CD164: variants seen among roughly 807,000 people sequenced by gnomAD.
The protein encoded by CD164 is CD164 molecule.
CD164 carries 11 observed loss-of-function variants against 24.6 expected under a neutral mutation model. That is an observed-to-expected ratio of 0.45 (90% CI 0.28 to 0.74). The LOEUF (loss-of-function observed/expected upper bound fraction) is 0.74. Among genes scored for constraint, CD164 ranks in the 30% least tolerant of loss-of-function variants. The pLI is 0.13. For synonymous variants in CD164, 126 were observed against 100.3 expected, an observed-to-expected ratio of 1.26 and a Z score of -1.53; for missense variants, 295 against 243.7, an observed-to-expected ratio of 1.21 and a Z score of -1.40.
At chr6:109,370,110 TCAGAAGTTACAAA>T (rs1184382630) in intron 5 of CD164, among the ~76,000 whole-genome samples, 5 of 152,116 alleles carry the variant, frequency 3.3e-5, no homozygotes, top group African/African-American at 1.2e-4. Context: ...CTAACGGTAA[TCAGAAGTTACAAA>T]TTAGATTTTA....
rs771385128 is a variant in CD164, at chr6:109,382,418, C to A, written c.-40G>T. 3 of 1,470,000 alleles carry A rather than the reference C, an allele frequency of 2.0e-6. No homozygotes were observed. The highest frequency in any genetic ancestry group is 9.0e-7 in the Non-Finnish European group (1 of 1,106,746). The allele number at this position is 1,470,000 out of a possible 1,614,324, so 91.1% of individuals were successfully genotyped here. A position where few individuals can be genotyped will look rare whatever the true frequency, so the allele number is the denominator to read the frequency against. ...TGGCGTTCGGGAGAAAGCTAAGGCT[C>A]GCAACGCTCAGTCAACCCCTCAATC... On this transcript the variant is annotated 5_prime_UTR_variant, in exon 1 of 6. Transcript: ENST00000310786.
chr6:109,377,644 TAAA>T (rs35168490), intron 3 of CD164, among the ~76,000 whole-genome samples: 4 of 141,436 alleles, frequency 2.8e-5, no homozygotes, highest in Admixed American at 1.4e-4. Context: ...TAGAAAAGTT[TAAA>T]AAAAAAAAAA....
chr6:109,382,318 G>C lies in CD164; in HGVS notation c.61C>G (p.Leu21Val), dbSNP rs1328993113. The change falls in exon 1 of 6, where the codon CTG becomes GTG. Residue 21 changes from leucine (L) to valine (V), a missense_variant. Transcript: ENST00000310786. ...TGGGTCGTGTTCTTGTCCGCGGACA[G>C]CACGCAGAGCACGCCCAGGCAGGTG... ...AATCLGVLCV[L>V]SADKNTTQHP... is the part of the protein sequence containing the mutation. 2 of 1,574,294 alleles carry C rather than the reference G, an allele frequency of 1.3e-6. No homozygotes were observed. Among genetic ancestry groups the C allele is most frequent in the Non-Finnish European group, 1.7e-6 (2 of 1,164,288 alleles).
At position 109,368,352 on chromosome 6, in the gene CD164, A is replaced by C; in HGVS notation, c.*499T>G. On this transcript the variant is annotated 3_prime_UTR_variant, in exon 6 of 6. Transcript: ENST00000310786. ...TAATGTAGAAAAAACAGCTGTTATC[A>C]AGCACAAAATTTTAATCTAAGGATA... is the stretch of plus-strand genomic sequence containing the variant. 6.5e-7 allele frequency: 1 copy of C among 1,530,756 alleles called. No individual in the cohort carries two copies. The highest frequency in any genetic ancestry group is 1.4e-5 in the African/African-American group (1 of 72,008). The allele number at this position is 1,530,756 out of a possible 1,614,324, so 94.8% of individuals were successfully genotyped here.
At position 109,368,548 on chromosome 6, in the gene CD164, C is replaced by CAAAT. The variant is rs556827536; in HGVS notation, c.*302_*303insATTT. ...TGTTGTCTGCACAAGACAACATTTT[C>CAAAT]CATCACTTTCAGAAAGTTATATTTG... On this transcript the variant is annotated 3_prime_UTR_variant, in exon 6 of 6. Transcript: ENST00000310786. 514 of 1,330,672 alleles carry CAAAT rather than the reference C, an allele frequency of 3.9e-4. No individual in the cohort carries two copies. The highest frequency in any genetic ancestry group is 4.4e-4 in the Non-Finnish European group (463 of 1,046,162). The allele number at this position is 1,330,672 out of a possible 1,614,324, so 82.4% of individuals were successfully genotyped here.
chr6:109,376,492 T>C (rs1435271811), intron 3 of CD164, among the ~76,000 whole-genome samples: 1 of 152,320 alleles, frequency 6.6e-6, no homozygotes, highest in Non-Finnish European at 1.5e-5. Flanking sequence ...CCTTGGACAG[T>C]AGGGTCAAAG....
At chr6:109,381,635 C>T (rs2061105710) in intron 1 of CD164, 4 of 701,048 alleles carry the variant, frequency 5.7e-6, no homozygotes, top group African/African-American at 3.5e-5. Flanking sequence ...CATTCTATTC[C>T]TATCTGCAAA....
chr6:109,377,301 A>G (rs1157858770), intron 3 of CD164, among the ~76,000 whole-genome samples: 1 of 152,248 alleles, frequency 6.6e-6, no homozygotes, highest in African/African-American at 2.4e-5. Context: ...ACACTGCACA[A>G]AAATCTTTTT....
chr6:109,371,568 T>A (rs1403137241), intron 4 of CD164: 4 of 153,772 alleles, frequency 2.6e-5, no homozygotes, highest in Non-Finnish European at 5.9e-5. Context: ...CCTATTAAGT[T>A]TCTATTGGTA....
At chr6:109,379,822 C>T in intron 1 of CD164, 160 bp from the exon 2 acceptor site, 1 of 577,772 alleles carries the variant, frequency 1.7e-6, no homozygotes, top group South Asian at 2.1e-5. Context: ...CTAAGAAATT[C>T]CAATCATTAC....
chr6:109,375,808 C>A, intron 4 of CD164: 1 of 339,874 alleles, frequency 2.9e-6, no homozygotes, highest in Non-Finnish European at 5.2e-6. Context: ...CCAAGATTTC[C>A]ACTAAATCTA....
intron 1 of CD164, 65 bp downstream of exon 1, chr6:109,382,139 G>A (rs1023461642): frequency 1.5e-6 from 2 of 1,300,414 alleles, no homozygotes; most frequent in South Asian, 4.0e-5. Flanking sequence ...CCGCCCGCAC[G>A]GCGAGGAGGC....
At chr6:109,381,369 C>A in intron 1 of CD164, 1 of 625,470 alleles carries the variant, frequency 1.6e-6, no homozygotes, top group Non-Finnish European at 2.9e-6. Flanking sequence ...CCACGACCTA[C>A]TAAACATACG....
chr6:109,375,961 T>G, intron 4 of CD164, 113 bp downstream of exon 4: 1 of 801,726 alleles, frequency 1.2e-6, no homozygotes, highest in South Asian at 1.7e-5. Context: ...TTTTAAGTTT[T>G]TACTCATCTT....
In CD164 at chr6:109,368,318, T is replaced by C. The variant is rs147143577; in HGVS notation, c.*533A>G. ...CTGGAATGTAGTTCCTTGTGTGGCA[T>C]CTTATTTCTAATGTAGAAAAAACAG... On this transcript the variant is annotated 3_prime_UTR_variant, in exon 6 of 6. Coordinates refer to ENST00000310786, the MANE Select transcript of CD164 (RefSeq NM_006016.6). The C allele has an allele frequency of 1.9e-6, 3 of 1,543,144 alleles. No individual in the cohort carries two copies. The highest frequency in any genetic ancestry group is 2.4e-5 in the South Asian group (2 of 82,970).
chr6:109,374,182 A>G (rs1013708643), intron 4 of CD164, among the ~76,000 whole-genome samples: 9 of 151,948 alleles, frequency 5.9e-5, no homozygotes, highest in African/African-American at 1.2e-4. Flanking sequence ...TTCTTTCTAT[A>G]TGCTCCTCCA....
In CD164 at chr6:109,368,547, T is replaced by C; in HGVS notation, c.*304A>G. The C allele has an allele frequency of 1.5e-6, 2 of 1,335,352 alleles. No homozygotes were observed. Among genetic ancestry groups the C allele is most frequent in the Non-Finnish European group, 1.9e-6 (2 of 1,048,846 alleles). The allele number at this position is 1,335,352 out of a possible 1,614,324, so 82.7% of individuals were successfully genotyped here. On this transcript the variant is annotated 3_prime_UTR_variant, in exon 6 of 6. Transcript: ENST00000310786. ...ATGTTGTCTGCACAAGACAACATTT[T>C]CCATCACTTTCAGAAAGTTATATTT...
At chr6:109,373,418 A>G (rs530655875) in intron 4 of CD164, among the ~76,000 whole-genome samples, 1 of 152,310 alleles carries the variant, frequency 6.6e-6, no homozygotes, top group East Asian at 1.9e-4. Context: ...TGCCCGGAAA[A>G]GAAACCGCCT....
At chr6:109,373,615 T>C (rs1771223150) in intron 4 of CD164, among the ~76,000 whole-genome samples, 1 of 152,186 alleles carries the variant, frequency 6.6e-6, no homozygotes, top group Non-Finnish European at 1.5e-5. Flanking sequence ...TCTCAAGAAA[T>C]GAACAACAGT....
Sources: gnomAD v4.1 joint callset for allele counts (sites outside exome capture counted in the v4.1 genomes callset) on GRCh38, gnomAD v4.1.1 for gene constraint, MANE v1.5 for transcripts, NCBI Gene and HGNC (gene_info 2026-07-23, HGNC 2026-07-21) for gene names.